Variants in UNC13C observed in about 807,000 individuals in gnomAD.
UNC13C encodes protein unc-13 homolog C.
UNC13C carries 174 observed loss-of-function variants against 245.4 expected under a neutral mutation model. The observed-to-expected ratio is 0.71, with a 90% CI of 0.63 to 0.80. The LOEUF is 0.80. Among genes scored for constraint, UNC13C ranks in the 30% least tolerant of loss-of-function variants. The probability of loss-of-function intolerance (pLI) is 0.00; values close to 1 mark genes in which losing one functional copy is unlikely to be tolerated. For missense variants in UNC13C, 2,829 were observed against 2,602.9 expected (o/e 1.09, Z -1.89); for synonymous variants, 992 against 895.1 (o/e 1.11, Z -1.93).
chr15:54,455,191 CTCTCTCTCTCTCTCTATATATA>C (rs1224551699), intron 19 of UNC13C, among the ~76,000 whole-genome samples: 1 of 40,004 alleles, frequency 2.5e-5, no homozygotes, highest in African/African-American at 8.2e-5. Context: ...CTCTCTCTCT[CTCTCTCTCTCTCTCTATATATA>C]TATATATATA....
chr15:53,854,936 A>G, the UNC13C span, among the ~76,000 whole-genome samples: 7 of 151,998 alleles, frequency 4.6e-5, no homozygotes, highest in Admixed American at 2.6e-4. Flanking sequence ...AACATGGAAT[A>G]TTTTTCCATT....
At chr15:54,430,132 G>A (rs531326991) in intron 19 of UNC13C, among the ~76,000 whole-genome samples, 2 of 151,528 alleles carry the variant, frequency 1.3e-5, no homozygotes, top group Non-Finnish European at 3.0e-5. Context: ...ATGTTGACAT[G>A]TTTGATAAGT....
chr15:54,143,644 T>A lies in UNC13C; in HGVS notation c.3031T>A (p.Leu1011Met). 1 of 1,613,418 alleles carries A rather than the reference T, an allele frequency of 6.2e-7. No homozygotes were observed. ...EKARIVSGND[L>M]DASKFSALQV... Reference sequence around the variant, plus strand: ...GGCTCGAATAGTAAGTGGCAATGATTTGGATGCTTCCAAATTTTCTGCACT... The same window carrying A: ...GGCTCGAATAGTAAGTGGCAATGATATGGATGCTTCCAAATTTTCTGCACT... The change falls in exon 4 of 33, where the codon TTG becomes ATG. Residue 1011 changes from leucine to methionine, a missense_variant. Coordinates refer to ENST00000260323, the MANE Select transcript of UNC13C (RefSeq NM_001080534.3).
At chr15:54,410,719 T>C (rs1162491452) in intron 18 of UNC13C, among the ~76,000 whole-genome samples, 1 of 152,214 alleles carries the variant, frequency 6.6e-6, no homozygotes, top group Non-Finnish European at 1.5e-5. Flanking sequence ...GTTCTATGTG[T>C]CTTTCTTGGT....
intron 1 of UNC13C, among the ~76,000 whole-genome samples, chr15:53,990,442 T>C (rs1894334637): frequency 6.6e-6 from 1 of 152,096 alleles, no homozygotes; most frequent in Non-Finnish European, 1.5e-5. Flanking sequence ...GTGATGCACC[T>C]CTAGCTTCAA....
chr15:53,987,390 G>A (rs577600935), intron 1 of UNC13C, among the ~76,000 whole-genome samples: 2 of 152,074 alleles, frequency 1.3e-5, no homozygotes, highest in East Asian at 1.9e-4. Context: ...CTTGCCAGAG[G>A]AAAACAATTG....
chr15:54,058,721 T>C (rs1182632933), intron 2 of UNC13C, among the ~76,000 whole-genome samples: 1 of 152,152 alleles, frequency 6.6e-6, no homozygotes, highest in African/African-American at 2.4e-5. Context: ...AATAAAATAC[T>C]GGCAAACAGA....
chr15:53,920,443 A>G, the UNC13C span, among the ~76,000 whole-genome samples: 1 of 152,170 alleles, frequency 6.6e-6, no homozygotes, highest in African/African-American at 2.4e-5. Context: ...AATCTCAGCT[A>G]CTTGGCAGGC....
At chr15:53,975,042 G>A (rs1044849758), upstream of UNC13C, 13 of 152,164 alleles carry the variant, frequency 8.5e-5, no homozygotes, top group African/African-American at 3.1e-4. Flanking sequence ...CTCATGACAT[G>A]GCAACTAACT....
chr15:54,051,029 C>G (rs1897248333), intron 2 of UNC13C, among the ~76,000 whole-genome samples: 2 of 152,182 alleles, frequency 1.3e-5, no homozygotes, highest in Admixed American at 1.3e-4. Flanking sequence ...GACTATTAGT[C>G]TTTTAACTAT....
At chr15:54,385,100 C>G (rs1351476495) in intron 17 of UNC13C, among the ~76,000 whole-genome samples, 1 of 151,882 alleles carries the variant, frequency 6.6e-6, no homozygotes, top group African/African-American at 2.4e-5. Flanking sequence ...GAAAACAGAA[C>G]TACCATAGAA....
At chr15:54,063,027 A>G (rs1897915605) in intron 2 of UNC13C, among the ~76,000 whole-genome samples, 1 of 152,200 alleles carries the variant, frequency 6.6e-6, no homozygotes, top group East Asian at 1.9e-4. Flanking sequence ...GGCCTGGATA[A>G]TTGTAGTGGG....
At chr15:54,318,919 T>C (rs905467049) in intron 13 of UNC13C, among the ~76,000 whole-genome samples, 2 of 151,968 alleles carry the variant, frequency 1.3e-5, no homozygotes, top group African/African-American at 4.8e-5. Flanking sequence ...CTCTACTATT[T>C]ATGCTTGAAG....
chr15:54,280,597 T>G (rs944384804), intron 10 of UNC13C, among the ~76,000 whole-genome samples: 7 of 149,694 alleles, frequency 4.7e-5, no homozygotes, highest in African/African-American at 1.7e-4. Flanking sequence ...TCTCTCTCTC[T>G]CTTGCTCTCT....
downstream of UNC13C, chr15:54,629,482 T>A (rs1308055142): frequency 1.3e-5 from 2 of 152,144 alleles, no homozygotes; most frequent in Non-Finnish European, 2.9e-5. Flanking sequence ...CCACAGGTGG[T>A]GTGTTCATGG....
chr15:54,169,998 T>C (rs796213940), intron 4 of UNC13C, among the ~76,000 whole-genome samples: 3 of 74,638 alleles, frequency 4.0e-5, no homozygotes, highest in African/African-American at 9.0e-5. Context: ...TTTTCTTTTT[T>C]TTTTTTTTTT....
the UNC13C span, among the ~76,000 whole-genome samples, chr15:53,844,054 A>G: frequency 6.6e-6 from 1 of 152,160 alleles, no homozygotes. Flanking sequence ...AAAAAGGGGA[A>G]CTGATAATGG....
chr15:54,538,299 C>T (rs1056985349), intron 26 of UNC13C, among the ~76,000 whole-genome samples: 1 of 151,742 alleles, frequency 6.6e-6, no homozygotes, highest in African/African-American at 2.4e-5. Flanking sequence ...AATGAGATAC[C>T]ATCTCACACC....
chr15:54,404,035 A>G (rs948426983), intron 18 of UNC13C, among the ~76,000 whole-genome samples: 4 of 152,178 alleles, frequency 2.6e-5, no homozygotes, highest in African/African-American at 7.2e-5. Context: ...ATAGCAGTTA[A>G]TTGCACTAAA....
Sources: allele counts gnomAD v4.1 joint callset (sites outside exome capture counted in the v4.1 genomes callset), GRCh38; gene constraint gnomAD v4.1.1; transcripts MANE v1.5; gene names NCBI Gene and HGNC (gene_info 2026-07-23, HGNC 2026-07-21).